KCND3: variants seen among roughly 807,000 people sequenced by gnomAD.
KCND3 encodes A-type voltage-gated potassium channel KCND3.
KCND3 carries 9 observed loss-of-function variants against 51.1 expected under a neutral mutation model. The ratio of observed to expected loss-of-function variants is 0.18; its 90% CI spans 0.11 to 0.31. KCND3 has a LOEUF of 0.31. Ranked by LOEUF, KCND3 falls within the 10% of genes least tolerant of loss-of-function variation. The pLI, the probability that KCND3 is intolerant of heterozygous loss-of-function variation, is 1.00. For missense variants in KCND3, 526 were observed against 903.8 expected (o/e 0.58, Z 5.36); for synonymous variants, 349 against 368.0 (o/e 0.95, Z 0.59).
chr1:111,944,443 C>T (rs778022721), intron 2 of KCND3, among the ~76,000 whole-genome samples: 9 of 152,242 alleles, frequency 5.9e-5, no homozygotes, highest in Non-Finnish European at 1.2e-4. Context: ...CCCAAGGAGA[C>T]TCCCTCTGGA....
At position 111,842,116 on chromosome 1, in the gene KCND3, G is replaced by A. The variant is rs187709056; in HGVS notation, c.1107-55010C>T. ...ATATGGGCATCACTGTGGGTCCCCAGTGTCAACCAGAAAGGGGCCCAGGTG... is the reference window on the plus strand; with the variant it reads ...ATATGGGCATCACTGTGGGTCCCCAATGTCAACCAGAAAGGGGCCCAGGTG... On this transcript the variant is annotated intron_variant, in intron 2 of 7. Coordinates refer to ENST00000302127, the MANE Select transcript of KCND3 (RefSeq NM_001378969.1). Among the ~76,000 whole-genome samples, 426 of 152,234 alleles carry A rather than the reference G, an allele frequency of 2.8e-3. 2 individuals carry two copies. Among genetic ancestry groups the A allele is most frequent in the African/African-American group, 9.8e-3 (406 of 41,570 alleles).
intron 2 of KCND3, among the ~76,000 whole-genome samples, chr1:111,952,523 C>G (rs1469793377): frequency 6.6e-6 from 1 of 152,200 alleles, no homozygotes; most frequent in Non-Finnish European, 1.5e-5. Flanking sequence ...TCTGGCAGCT[C>G]AATACGGGTA....
intron 2 of KCND3, among the ~76,000 whole-genome samples, chr1:111,806,470 A>G (rs1265819618): frequency 6.6e-6 from 1 of 152,186 alleles, no homozygotes; most frequent in Non-Finnish European, 1.5e-5. Flanking sequence ...CCTGGGGACC[A>G]TTTGATTGGG....
intron 2 of KCND3, among the ~76,000 whole-genome samples, chr1:111,923,614 A>C (rs1671572126): frequency 6.6e-6 from 1 of 152,120 alleles, no homozygotes; most frequent in African/African-American, 2.4e-5. Flanking sequence ...CCAGGATTTT[A>C]ATCTCCGGTG....
chr1:111,855,473 G>A (rs1324204235), intron 2 of KCND3, among the ~76,000 whole-genome samples: 2 of 152,302 alleles, frequency 1.3e-5, no homozygotes, highest in South Asian at 2.1e-4. Flanking sequence ...TCCTTGAGCT[G>A]AGTCTTTGTC....
chr1:111,966,509 C>T (rs567911100), intron 2 of KCND3, among the ~76,000 whole-genome samples: 1 of 152,286 alleles, frequency 6.6e-6, no homozygotes, highest in South Asian at 2.1e-4. Flanking sequence ...CTGCAAACGT[C>T]CTTGGCTGTT....
rs148749616 is a variant in KCND3 at position 111,776,324 on chromosome 1, G to A, written c.1767-46C>T. On this transcript the variant is annotated intron_variant, in intron 7 of 7. Transcript: ENST00000302127. Reference sequence around the variant, plus strand: ...TTGATGATGGTTCCTGCTGGCCAGCGTCCCAAAGCTTCCTTGACCCCCTAC... The same window carrying A: ...TTGATGATGGTTCCTGCTGGCCAGCATCCCAAAGCTTCCTTGACCCCCTAC... The A allele has an allele frequency of 1.8e-5, 28 of 1,573,606 alleles. No homozygotes were observed. The East Asian group carries it at 2.5e-4, about 14-fold the overall frequency.
chr1:111,886,697 C>T (rs1669585507), intron 2 of KCND3, among the ~76,000 whole-genome samples: 1 of 152,188 alleles, frequency 6.6e-6, no homozygotes, highest in Non-Finnish European at 1.5e-5. Context: ...GCATTATTTC[C>T]CTGACTTTTC....
At chr1:111,848,205 G>A (rs376362583) in intron 2 of KCND3, among the ~76,000 whole-genome samples, 5 of 152,324 alleles carry the variant, frequency 3.3e-5, no homozygotes, top group South Asian at 2.1e-4. Flanking sequence ...GTGCAGTCAC[G>A]GGGAAGGGAG....
intron 2 of KCND3, among the ~76,000 whole-genome samples, chr1:111,853,377 T>C (rs1025762000): frequency 2.0e-5 from 3 of 152,310 alleles, no homozygotes; most frequent in Non-Finnish European, 2.9e-5. Context: ...AGACCTTCAA[T>C]TGAGGTCTGG....
intron 2 of KCND3, among the ~76,000 whole-genome samples, chr1:111,824,226 C>A (rs1666476166): frequency 6.6e-6 from 1 of 151,872 alleles, no homozygotes; most frequent in Admixed American, 6.5e-5. Flanking sequence ...GACAGCTCCA[C>A]GTGGAGAGCA....
chr1:111,804,405 T>A (rs989075692), intron 2 of KCND3, among the ~76,000 whole-genome samples: 2 of 152,244 alleles, frequency 1.3e-5, no homozygotes, highest in African/African-American at 4.8e-5. Flanking sequence ...GCATTTTATG[T>A]TTGCTCTGAA....
Position 111,778,342 on chromosome 1 carries a change from G to T in KCND3, c.1518+94C>A. The T allele has an allele frequency of 3.5e-6, 4 of 1,153,586 alleles. No individual in the cohort carries two copies. In the South Asian group the frequency reaches 4.9e-5, roughly 14 times the overall value. The allele number at this position is 1,153,586 out of a possible 1,614,324, so 71.5% of individuals were successfully genotyped here. ...AGCCCCAGAAGAATCAGCAGCACAT[G>T]CACAGAACCAGGCCGGGGGGTAAAA... On this transcript the variant is annotated intron_variant, in intron 6 of 7. Transcript: ENST00000302127.
chr1:111,888,722 T>C (rs192071683), intron 2 of KCND3, among the ~76,000 whole-genome samples: 4 of 144,324 alleles, frequency 2.8e-5, no homozygotes, highest in African/African-American at 1.0e-4. Flanking sequence ...ACAAAGACAG[T>C]GACATGAAGA....
intron 2 of KCND3, among the ~76,000 whole-genome samples, chr1:111,832,864 C>A (rs1168862331): frequency 6.6e-6 from 1 of 152,216 alleles, no homozygotes; most frequent in African/African-American, 2.4e-5. Flanking sequence ...GACTGATGGG[C>A]TTCTGTATTT....
At chr1:111,854,487 G>A (rs1275343939) in intron 2 of KCND3, among the ~76,000 whole-genome samples, 1 of 152,112 alleles carries the variant, frequency 6.6e-6, no homozygotes, top group African/African-American at 2.4e-5. Flanking sequence ...GAGCTCAGAG[G>A]CAGAAAGGCA....
chr1:111,960,971 T>C (rs575664093), intron 2 of KCND3, among the ~76,000 whole-genome samples: 4 of 152,220 alleles, frequency 2.6e-5, no homozygotes, highest in Admixed American at 2.6e-4. Context: ...TGGTGGTGCC[T>C]TGCCATGTCC....
intron 2 of KCND3, among the ~76,000 whole-genome samples, chr1:111,968,177 A>T (rs900099955): frequency 5.3e-5 from 8 of 152,136 alleles, no homozygotes; most frequent in Non-Finnish European, 1.2e-4. Context: ...GGGCTGCAGA[A>T]TTTTTTTATT....
At chr1:111,959,800 T>C (rs1673536979) in intron 2 of KCND3, among the ~76,000 whole-genome samples, 1 of 152,106 alleles carries the variant, frequency 6.6e-6, no homozygotes, top group Non-Finnish European at 1.5e-5. Context: ...AGTGAAATGG[T>C]CTCACAGCCT....
Sources: allele counts gnomAD v4.1 joint callset (sites outside exome capture counted in the v4.1 genomes callset), GRCh38; gene constraint gnomAD v4.1.1; transcripts MANE v1.5; gene names NCBI Gene and HGNC (gene_info 2026-07-23, HGNC 2026-07-21).